Variants in HMGN3 observed in about 807,000 individuals in gnomAD.
The protein encoded by HMGN3 is high mobility group nucleosomal binding domain 3.
HMGN3 carries 6 observed loss-of-function variants against 18.8 expected under a neutral mutation model. That is an observed-to-expected ratio of 0.32 (90% CI 0.18 to 0.63). HMGN3 has a LOEUF of 0.63. HMGN3 is among the 30% of genes least tolerant of loss of function. The pLI, the probability that HMGN3 is intolerant of heterozygous loss-of-function variation, is 0.79. For missense variants in HMGN3, 107 were observed against 114.2 expected, an observed-to-expected ratio of 0.94 and a Z score of 0.29; for synonymous variants, 40 against 36.5, an observed-to-expected ratio of 1.10 and a Z score of -0.35.
intron 1 of HMGN3, among the ~76,000 whole-genome samples, chr6:79,217,720 C>G (rs1173434167): frequency 6.6e-6 from 1 of 152,162 alleles, no homozygotes; most frequent in East Asian, 1.9e-4. Flanking sequence ...CATCAATTAA[C>G]ACTAAGCCAC....
chr6:79,215,004 C>T (rs113419539), exon 2 of HMGN3: 2 of 1,520,466 alleles, frequency 1.3e-6, no homozygotes, highest in Non-Finnish European at 9.0e-7. Flanking sequence ...CCATCTTTGC[C>T]CTCTGTATTC....
chr6:79,209,818 T>A (rs1776597348), intron 2 of HMGN3, among the ~76,000 whole-genome samples: 2 of 152,212 alleles, frequency 1.3e-5, no homozygotes, highest in African/African-American at 4.8e-5. Flanking sequence ...GAAGCTAAAC[T>A]CATCTTTCTT....
At chr6:79,217,338 T>C (rs1305482902) in intron 1 of HMGN3, among the ~76,000 whole-genome samples, 1 of 152,192 alleles carries the variant, frequency 6.6e-6, no homozygotes, top group Admixed American at 6.5e-5. Context: ...CTGGTTTGAA[T>C]CTTGGCTCTA....
At chr6:79,224,503 T>C (rs1777464971) in intron 1 of HMGN3, among the ~76,000 whole-genome samples, 1 of 152,228 alleles carries the variant, frequency 6.6e-6, no homozygotes, top group South Asian at 2.1e-4. Flanking sequence ...ATTTTAGTAT[T>C]ATTCTGGGTT....
At chr6:79,224,554 A>G (rs775518501) in intron 1 of HMGN3, among the ~76,000 whole-genome samples, 2 of 152,232 alleles carry the variant, frequency 1.3e-5, no homozygotes, top group Non-Finnish European at 2.9e-5. Flanking sequence ...TTTTTATCTC[A>G]GTATTGAAAC....
chr6:79,211,211 T>C (rs1776673345), intron 2 of HMGN3, among the ~76,000 whole-genome samples: 1 of 152,144 alleles, frequency 6.6e-6, no homozygotes, highest in Non-Finnish European at 1.5e-5. Context: ...CTGCAAACAG[T>C]GGAGGCTGAG....
chr6:79,232,647 G>C (rs1314279672), intron 1 of HMGN3, among the ~76,000 whole-genome samples: 2 of 151,946 alleles, frequency 1.3e-5, no homozygotes, highest in East Asian at 3.8e-4. Flanking sequence ...GCAGACAGGG[G>C]AAGTAAGAAT....
intron 2 of HMGN3, among the ~76,000 whole-genome samples, chr6:79,209,374 A>G (rs1479349326): frequency 1.3e-5 from 2 of 152,226 alleles, no homozygotes; most frequent in Non-Finnish European, 2.9e-5. Context: ...TCTACTTACC[A>G]TCCAACCTAC....
At chr6:79,207,603 A>G (rs1185888586) in intron 3 of HMGN3, among the ~76,000 whole-genome samples, 1 of 152,194 alleles carries the variant, frequency 6.6e-6, no homozygotes, top group Non-Finnish European at 1.5e-5. Context: ...AAAACAGACT[A>G]ATATACTTCC....
Position 79,208,544 on chromosome 6 carries a change from T to TA in HMGN3, c.96+2dup, listed in dbSNP as rs1347322463. 1.2e-6 allele frequency: 2 copies of TA among 1,609,084 alleles called. No homozygotes were observed. Among genetic ancestry groups the TA allele is most frequent in the East Asian group, 2.2e-5 (1 of 44,866 alleles). ...AACACTGAAGTGGTTCTAAGGTACT[T>TA]ACCGCTGACAATCTGGCAGACCGTC... On this transcript the variant is annotated splice_region_variant and intron_variant, in intron 3 of 5. Transcript: ENST00000344726.
At chr6:79,205,810 C>A (rs958104924) in intron 3 of HMGN3, among the ~76,000 whole-genome samples, 1 of 152,116 alleles carries the variant, frequency 6.6e-6, no homozygotes, top group Admixed American at 6.6e-5. Context: ...ATGACTGTGA[C>A]CTTTCCTAAA....
intron 1 of HMGN3, among the ~76,000 whole-genome samples, chr6:79,219,378 C>T (rs1486303626): frequency 6.6e-6 from 1 of 152,088 alleles, no homozygotes; most frequent in African/African-American, 2.4e-5. Flanking sequence ...AAAATAAAGC[C>T]ATTTCAGAAT....
chr6:79,222,669 T>C (rs1777359260), intron 1 of HMGN3, among the ~76,000 whole-genome samples: 1 of 152,236 alleles, frequency 6.6e-6, no homozygotes, highest in African/African-American at 2.4e-5. Flanking sequence ...GCTTTTAAAG[T>C]AATCTTTAAA....
chr6:79,221,432 G>T (rs999394830), intron 1 of HMGN3, among the ~76,000 whole-genome samples: 1 of 152,150 alleles, frequency 6.6e-6, no homozygotes, highest in African/African-American at 2.4e-5. Flanking sequence ...TGTACTGAAG[G>T]GATCAGAACT....
At chr6:79,211,011 C>CAAAAAAAAAAAAAAAAAAAAAAAAA (rs59749044) in intron 2 of HMGN3, among the ~76,000 whole-genome samples, 1 of 89,748 alleles carries the variant, frequency 1.1e-5, no homozygotes, top group Non-Finnish European at 2.1e-5. Context: ...GAAATTAATG[C>CAAAAAAAAAAAAAAAAAAAAAAAAA]AAAAAAAAAA....
chr6:79,211,332 A>T (rs1045629616), intron 2 of HMGN3, among the ~76,000 whole-genome samples: 8 of 152,062 alleles, frequency 5.3e-5, no homozygotes, highest in African/African-American at 1.9e-4. Flanking sequence ...ATTGGACTAT[A>T]TTTATTGGAT....
At chr6:79,223,510 C>CAACA (rs1188125172) in intron 1 of HMGN3, among the ~76,000 whole-genome samples, 6 of 151,886 alleles carry the variant, frequency 4.0e-5, no homozygotes, top group Admixed American at 6.6e-5. Flanking sequence ...GACTCTATCT[C>CAACA]AACAAACAAA....
intron 1 of HMGN3, among the ~76,000 whole-genome samples, chr6:79,215,792 A>G (rs184245635): frequency 2.6e-5 from 4 of 152,332 alleles, no homozygotes; most frequent in East Asian, 3.8e-4. Context: ...ATGTCCCAAT[A>G]TTTTTTATTG....
intron 1 of HMGN3, among the ~76,000 whole-genome samples, chr6:79,229,141 T>C (rs569357726): frequency 6.6e-6 from 1 of 152,342 alleles, no homozygotes; most frequent in Non-Finnish European, 1.5e-5. Context: ...AAAACCTCTA[T>C]GAGAAAACAT....
Sources: allele counts gnomAD v4.1 joint callset (sites outside exome capture counted in the v4.1 genomes callset), GRCh38; gene constraint gnomAD v4.1.1; transcripts MANE v1.5; gene names NCBI Gene and HGNC (gene_info 2026-07-23, HGNC 2026-07-21).